RNGTT: variants seen among roughly 807,000 people sequenced by gnomAD.
RNGTT encodes RNA guanylyltransferase and 5'-phosphatase.
A neutral mutation model predicts 79.3 loss-of-function variants in RNGTT; 33 were observed. That is an observed-to-expected ratio of 0.42 (90% CI 0.32 to 0.56). RNGTT has a LOEUF of 0.56. Among genes scored for constraint, RNGTT ranks in the 20% least tolerant of loss-of-function variants. The pLI is 0.17. For missense variants in RNGTT, 497 were observed against 739.1 expected (o/e 0.67, Z 3.80); for synonymous variants, 222 against 235.9 (o/e 0.94, Z 0.54).
At chr6:88,898,242 T>C (rs180961237) in intron 6 of RNGTT, among the ~76,000 whole-genome samples, 91 of 152,288 alleles carry the variant, frequency 6.0e-4, no homozygotes, top group Non-Finnish European at 1.2e-3. Context: ...AAAATAATCC[T>C]CAGATAAATA....
At chr6:88,745,614 G>C (rs1582409898) in intron 13 of RNGTT, among the ~76,000 whole-genome samples, 1 of 152,096 alleles carries the variant, frequency 6.6e-6, no homozygotes, top group Non-Finnish European at 1.5e-5. Flanking sequence ...TTACATGTGT[G>C]ACTCACATAT....
intron 4 of RNGTT, 134 bp downstream of exon 4, chr6:88,928,851 T>C: frequency 1.7e-6 from 1 of 604,146 alleles, no homozygotes; most frequent in Non-Finnish European, 2.9e-6. Flanking sequence ...AGTCAATCTC[T>C]CATTTTAATA....
At chr6:88,934,019 T>C (rs923732626) in intron 2 of RNGTT, among the ~76,000 whole-genome samples, 4 of 152,156 alleles carry the variant, frequency 2.6e-5, no homozygotes, top group African/African-American at 9.7e-5. Context: ...TTTGTCTTTA[T>C]AATAGTTTTG....
intron 13 of RNGTT, among the ~76,000 whole-genome samples, chr6:88,754,496 C>T (rs1212666899): frequency 6.6e-6 from 1 of 152,068 alleles, no homozygotes; most frequent in Non-Finnish European, 1.5e-5. Context: ...ACTGCCACCA[C>T]TTAGAGCACT....
intron 12 of RNGTT, among the ~76,000 whole-genome samples, chr6:88,776,320 CCTT>C (rs1436923502): frequency 6.9e-6 from 1 of 145,140 alleles, no homozygotes; most frequent in Non-Finnish European, 1.5e-5. Flanking sequence ...CACCTTTTGA[CCTT>C]TTTTTTTTTT....
chr6:88,633,334 A>G (rs1582257534), intron 14 of RNGTT, among the ~76,000 whole-genome samples: 1 of 152,082 alleles, frequency 6.6e-6, no homozygotes, highest in Non-Finnish European at 1.5e-5. Context: ...AAAACATTAC[A>G]TGGCTTTCAT....
At chr6:88,946,855 G>T (rs540632848) in intron 1 of RNGTT, among the ~76,000 whole-genome samples, 6 of 139,916 alleles carry the variant, frequency 4.3e-5, no homozygotes, top group African/African-American at 1.3e-4. Context: ...TGTGTTGGCC[G>T]GGCCGGTCTC....
intron 14 of RNGTT, among the ~76,000 whole-genome samples, chr6:88,614,617 C>T (rs1772152813): frequency 6.6e-6 from 1 of 152,136 alleles, no homozygotes; most frequent in Non-Finnish European, 1.5e-5. Context: ...GTGAAAATGG[C>T]TGTCAATATA....
intron 13 of RNGTT, among the ~76,000 whole-genome samples, chr6:88,682,000 C>A (rs1205179910): frequency 6.6e-6 from 1 of 152,100 alleles, no homozygotes; most frequent in Non-Finnish European, 1.5e-5. Context: ...CAAACATTAA[C>A]CAATATGTAT....
At chr6:88,724,978 C>T (rs189068663) in intron 13 of RNGTT, among the ~76,000 whole-genome samples, 194 of 152,328 alleles carry the variant, frequency 1.3e-3, no homozygotes, top group South Asian at 5.2e-3. Context: ...CCCTTCCCCT[C>T]CCTTGCCCAA....
At chr6:88,699,688 T>C (rs571672150) in intron 13 of RNGTT, among the ~76,000 whole-genome samples, 1 of 151,990 alleles carries the variant, frequency 6.6e-6, no homozygotes, top group Admixed American at 6.6e-5. Context: ...AAAAACACAA[T>C]GGATTTTTTT....
rs558093813 is a variant in RNGTT at position 88,733,280 on chromosome 6, T to C, written c.1439+36494A>G. On this transcript the variant is annotated intron_variant, in intron 13 of 15. Transcript: ENST00000369485. Reference sequence around the variant, plus strand: ...GAAGAAGGCTGAGGTGGAAGGATTGTTTGAGCCCAGGAGGTTGAGGCTGCA... The same window carrying C: ...GAAGAAGGCTGAGGTGGAAGGATTGCTTGAGCCCAGGAGGTTGAGGCTGCA... Among the ~76,000 whole-genome samples the C allele has an allele frequency of 2.9e-3, 447 of 152,028 alleles. 2 individuals carry two copies. The highest frequency in any genetic ancestry group is 4.5e-3 in the Admixed American group (69 of 15,252).
Position 88,744,526 on chromosome 6 carries a change from CT to C in RNGTT, c.1439+25247del, listed in dbSNP as rs368676145. Among the ~76,000 whole-genome samples, 21 of 152,254 alleles carry C rather than the reference CT, an allele frequency of 1.4e-4. No homozygotes were observed. The East Asian group carries it at 4.1e-3, about 29-fold the overall frequency. ...CTATGCACCTCAACCTCTCAAAGTG[CT>C]GGTATAACAGGCATGAGCCACCGTG... On this transcript the variant is annotated intron_variant, in intron 13 of 15. Coordinates refer to ENST00000369485, the MANE Select transcript of RNGTT (RefSeq NM_003800.5).
At chr6:88,870,316 T>C (rs1258954852) in intron 8 of RNGTT, among the ~76,000 whole-genome samples, 2 of 152,114 alleles carry the variant, frequency 1.3e-5, no homozygotes, top group Admixed American at 1.3e-4. Context: ...TTTTAAAACA[T>C]ATGGTTATAG....
At chr6:88,925,499 G>A (rs1784290581) in intron 4 of RNGTT, among the ~76,000 whole-genome samples, 1 of 151,632 alleles carries the variant, frequency 6.6e-6, no homozygotes, top group Admixed American at 6.6e-5. Context: ...AGGCTGAGGT[G>A]GGAGGATCAC....
At chr6:88,863,073 C>G (rs1782063866) in intron 8 of RNGTT, among the ~76,000 whole-genome samples, 11 of 152,150 alleles carry the variant, frequency 7.2e-5, no homozygotes, top group Admixed American at 7.2e-4. Context: ...CAGCTCCCTT[C>G]TATTATGTGA....
rs533224277 is a variant in RNGTT, at chr6:88,791,676, A to G, written c.1338+9888T>C. Among the ~76,000 whole-genome samples the G allele has an allele frequency of 2.0e-5, 3 of 151,958 alleles. No homozygotes were observed. In the South Asian group the frequency reaches 6.2e-4, roughly 32 times the overall value. ...TGCCTCAGCCTCCTGAGTAGCTGGG[A>G]CCACAGGCGCCCACCACCACACCCG... On this transcript the variant is annotated intron_variant, in intron 12 of 15. Transcript: ENST00000369485.
At chr6:88,647,073 TA>T (rs2127775835) in intron 14 of RNGTT, among the ~76,000 whole-genome samples, 1 of 152,166 alleles carries the variant, frequency 6.6e-6, no homozygotes, top group East Asian at 1.9e-4. Context: ...TGAAAAATCA[TA>T]AGTTGAACCA....
At chr6:88,629,956 C>T (rs1772785675) in intron 14 of RNGTT, among the ~76,000 whole-genome samples, 1 of 152,098 alleles carries the variant, frequency 6.6e-6, no homozygotes, top group Non-Finnish European at 1.5e-5. Flanking sequence ...AGCTCAACTC[C>T]CTGACTATAA....
Sources: gnomAD v4.1 joint callset for allele counts (sites outside exome capture counted in the v4.1 genomes callset) on GRCh38, gnomAD v4.1.1 for gene constraint, MANE v1.5 for transcripts, NCBI Gene and HGNC (gene_info 2026-07-23, HGNC 2026-07-21) for gene names.